CARMIL1: variants seen among roughly 807,000 people sequenced by gnomAD.
The protein encoded by CARMIL1 is F-actin-uncapping protein LRRC16A.
A neutral mutation model predicts 177.1 loss-of-function variants in CARMIL1; 90 were observed. The observed-to-expected ratio is 0.51, with a 90% CI of 0.43 to 0.61. The LOEUF is 0.61. CARMIL1 is among the 20% of genes least tolerant of loss of function. The probability of loss-of-function intolerance (pLI) is 0.00; values close to 1 mark genes in which losing one functional copy is unlikely to be tolerated. For synonymous variants in CARMIL1, 577 were observed against 606.2 expected (o/e 0.95, Z 0.71); for missense variants, 1,380 against 1,667.0 (o/e 0.83, Z 3.00).
At chr6:25,540,646 T>A (rs1318697454) in intron 26 of CARMIL1, among the ~76,000 whole-genome samples, 1 of 152,164 alleles carries the variant, frequency 6.6e-6, no homozygotes, top group Non-Finnish European at 1.5e-5. Flanking sequence ...TAAGACCAAC[T>A]TTTGCTTAAA....
intron 28 of CARMIL1, 37 bp from the exon 29 acceptor site, chr6:25,556,664 A>G (rs1034070229): frequency 6.9e-6 from 11 of 1,586,040 alleles, no homozygotes; most frequent in Non-Finnish European, 8.6e-6. Context: ...CTTTCTCTGT[A>G]CTTTAATTTC....
intron 29 of CARMIL1, chr6:25,576,930 T>G: frequency 1.1e-6 from 1 of 931,850 alleles, no homozygotes; most frequent in Non-Finnish European, 1.3e-6. Flanking sequence ...TGTTGCTTTA[T>G]CTCTCTTCCA....
intron 24 of CARMIL1, among the ~76,000 whole-genome samples, chr6:25,530,531 G>T (rs1807649660): frequency 6.6e-6 from 1 of 152,050 alleles, no homozygotes; most frequent in African/African-American, 2.4e-5. Context: ...TCTTACAAGG[G>T]AACTAAAATC....
At chr6:25,519,725 C>T (rs973181589) in intron 22 of CARMIL1, among the ~76,000 whole-genome samples, 16 of 152,176 alleles carry the variant, frequency 1.1e-4, no homozygotes, top group African/African-American at 3.6e-4. Context: ...TTTAATGGAG[C>T]CCAGAAACTT....
chr6:25,338,979 C>T (rs4712910), intron 2 of CARMIL1, among the ~76,000 whole-genome samples: 22,587 of 151,988 alleles, frequency 0.15, 1,886 homozygotes, highest in East Asian at 0.27. Context: ...ATTATAGTTT[C>T]GATGAAATGT....
chr6:25,537,005 A>G (rs1302825894), intron 24 of CARMIL1, among the ~76,000 whole-genome samples: 1 of 152,206 alleles, frequency 6.6e-6, no homozygotes, highest in African/African-American at 2.4e-5. Context: ...CACTGTGGTT[A>G]TCTTTTTCTT....
chr6:25,508,385 G>A (rs1281866394), intron 17 of CARMIL1, among the ~76,000 whole-genome samples: 1 of 152,118 alleles, frequency 6.6e-6, no homozygotes, highest in African/African-American at 2.4e-5. Flanking sequence ...GCTCACCTTA[G>A]AGCAATCTGT....
At chr6:25,402,515 A>C (rs1246173533) in intron 2 of CARMIL1, among the ~76,000 whole-genome samples, 2 of 152,190 alleles carry the variant, frequency 1.3e-5, no homozygotes, top group Non-Finnish European at 2.9e-5. Flanking sequence ...TGATTTTGCC[A>C]ATCTATTTTG....
intron 13 of CARMIL1, among the ~76,000 whole-genome samples, chr6:25,490,077 G>A (rs548042774): frequency 2.6e-5 from 4 of 152,340 alleles, no homozygotes; most frequent in African/African-American, 7.2e-5. Flanking sequence ...GGAACGATGA[G>A]ACCTGAGTGA....
At chr6:25,366,527 A>G (rs984561984) in intron 2 of CARMIL1, among the ~76,000 whole-genome samples, 1 of 150,090 alleles carries the variant, frequency 6.7e-6, no homozygotes, top group Non-Finnish European at 1.5e-5. Flanking sequence ...TTCGTTATGT[A>G]TCTATGCATT....
chr6:25,545,236 C>G (rs1050875367), intron 26 of CARMIL1, among the ~76,000 whole-genome samples: 2 of 152,176 alleles, frequency 1.3e-5, no homozygotes, highest in African/African-American at 4.8e-5. Flanking sequence ...GTCATAGTGA[C>G]TGACATGGGC....
intron 24 of CARMIL1, among the ~76,000 whole-genome samples, chr6:25,529,379 C>T (rs1293878172): frequency 2.0e-5 from 3 of 152,086 alleles, no homozygotes; most frequent in Middle Eastern, 6.4e-3. Context: ...AGGTGTTTTT[C>T]TCTTATACTG....
intron 32 of CARMIL1, among the ~76,000 whole-genome samples, chr6:25,599,994 C>T (rs1815229216): frequency 6.6e-6 from 1 of 151,958 alleles, no homozygotes; most frequent in African/African-American, 2.4e-5. Context: ...TCAAGCAGAG[C>T]AAGTGGTTAT....
intron 2 of CARMIL1, among the ~76,000 whole-genome samples, chr6:25,338,560 T>C: frequency 6.6e-6 from 1 of 151,420 alleles, no homozygotes; most frequent in South Asian, 2.1e-4. Flanking sequence ...ACTTTTTTTT[T>C]TTTTTTTATT....
At chr6:25,559,359 G>C (rs1810912606) in intron 29 of CARMIL1, among the ~76,000 whole-genome samples, 1 of 152,194 alleles carries the variant, frequency 6.6e-6, no homozygotes, top group African/African-American at 2.4e-5. Flanking sequence ...ATATTTCAAA[G>C]GGAGGTGCAT....
Position 25,515,559 on chromosome 6 carries a change from C to A in CARMIL1, c.1633-116C>A. ...CACGAGTGTCTTTTAGGTAGTAGTT[C>A]TAAAATCAGACACGTGCAGTAGGTC... On this transcript the variant is annotated intron_variant, in intron 20 of 36. Coordinates refer to ENST00000329474, the MANE Select transcript of CARMIL1 (RefSeq NM_017640.6). This position sits in a 1 kb window ranked among gnomAD's most constrained non-coding sequence, Gnocchi z 5.0. 1 of 956,154 alleles carries A rather than the reference C, an allele frequency of 1.0e-6. No homozygotes were observed. Among genetic ancestry groups the A allele is most frequent in the Non-Finnish European group, 1.5e-6 (1 of 669,728 alleles). 59.2% of individuals were successfully genotyped at this position (956,154 alleles called of 1,614,324 possible).
chr6:25,288,146 G>A (rs528764141), intron 2 of CARMIL1, among the ~76,000 whole-genome samples: 4 of 152,346 alleles, frequency 2.6e-5, no homozygotes, highest in East Asian at 1.9e-4. Context: ...TTAAGCTGGC[G>A]TTCACTGGAT....
rs571658536 is a variant in CARMIL1, at chr6:25,410,598, C to A, written c.139-9516C>A. 1.3e-4 allele frequency among the ~76,000 whole-genome samples: 12 copies of A among 94,022 alleles called. 1 individual carries two copies. In the East Asian group the frequency reaches 3.3e-3, roughly 26 times the overall value. 61.7% of individuals were successfully genotyped at this position (94,022 alleles called of 152,430 possible). A position where few individuals can be genotyped will look rare whatever the true frequency, so the allele number is the denominator to read the frequency against. ...TGTGTGGTCTTTATTTGGTGCCAGG[C>A]CCAGGAGGGGACTTTTGCGCCCTAG... On this transcript the variant is annotated intron_variant, in intron 2 of 36. Coordinates refer to ENST00000329474, the MANE Select transcript of CARMIL1 (RefSeq NM_017640.6).
At chr6:25,294,385 G>T (rs1322578151) in intron 2 of CARMIL1, among the ~76,000 whole-genome samples, 3 of 152,186 alleles carry the variant, frequency 2.0e-5, no homozygotes, top group Non-Finnish European at 2.9e-5. Flanking sequence ...TGCCCTCATT[G>T]ATTGCTGCCT....
Sources: allele counts gnomAD v4.1 joint callset (sites outside exome capture counted in the v4.1 genomes callset), GRCh38; gene constraint gnomAD v4.1.1; non-coding constraint Gnocchi (gnomAD v3.1); transcripts MANE v1.5; gene names NCBI Gene and HGNC (gene_info 2026-07-23, HGNC 2026-07-21).